Variants in SLIT2 observed in about 807,000 individuals in gnomAD.
SLIT2 encodes slit guidance ligand 2, also known as slit homolog 2 protein.
A neutral mutation model predicts 185.7 loss-of-function variants in SLIT2; 41 were observed. The observed-to-expected ratio is 0.22, with a 90% CI of 0.17 to 0.29. SLIT2 has a LOEUF of 0.29. SLIT2 is among the 10% of genes least tolerant of loss of function. SLIT2 has a pLI of 1.00. For missense variants in SLIT2, 1,571 were observed against 1,909.0 expected (o/e 0.82, Z 3.30); for synonymous variants, 693 against 680.2 (o/e 1.02, Z -0.29).
At chr4:20,543,074 C>CTT (rs573556407) in intron 21 of SLIT2, among the ~76,000 whole-genome samples, 1 of 148,734 alleles carries the variant, frequency 6.7e-6, no homozygotes, top group South Asian at 2.1e-4. Flanking sequence ...GTACAGGAAA[C>CTT]TTTTTTTTTT....
At chr4:20,327,944 C>T (rs960907566) in intron 4 of SLIT2, among the ~76,000 whole-genome samples, 8 of 152,100 alleles carry the variant, frequency 5.3e-5, no homozygotes, top group Non-Finnish European at 8.8e-5. Flanking sequence ...TGAACAATGC[C>T]AATGACTATA....
intron 9 of SLIT2, among the ~76,000 whole-genome samples, chr4:20,507,399 T>C (rs897274982): frequency 6.6e-6 from 1 of 151,918 alleles, no homozygotes. Context: ...CCAGGGAAAA[T>C]CTTCAGTTAT....
At chr4:20,401,829 G>A (rs887497872) in intron 4 of SLIT2, among the ~76,000 whole-genome samples, 37 of 151,898 alleles carry the variant, frequency 2.4e-4, no homozygotes, top group African/African-American at 8.5e-4. Context: ...TACAGGGAAA[G>A]CATTTACGCA....
intron 4 of SLIT2, among the ~76,000 whole-genome samples, chr4:20,297,210 G>T (rs1041301247): frequency 1.3e-5 from 2 of 152,008 alleles, no homozygotes; most frequent in African/African-American, 4.8e-5. Flanking sequence ...TAATAAAATT[G>T]GATGAATGCT....
intron 5 of SLIT2, among the ~76,000 whole-genome samples, chr4:20,472,597 T>TAG (rs1491574432): frequency 9.2e-5 from 2 of 21,844 alleles, no homozygotes; most frequent in African/African-American, 4.0e-4. Context: ...TAGATATATA[T>TAG]CTATAGATAT....
chr4:20,548,647 C>A, intron 23 of SLIT2, 88 bp downstream of exon 23: 1 of 778,688 alleles, frequency 1.3e-6, no homozygotes, highest in South Asian at 1.5e-5. Context: ...TTGAACAAGA[C>A]AGTCTCTACC....
At chr4:20,406,317 TA>T (rs1215690263) in intron 4 of SLIT2, among the ~76,000 whole-genome samples, 1 of 144,114 alleles carries the variant, frequency 6.9e-6, no homozygotes, top group African/African-American at 2.4e-5. Context: ...AACTCAACTT[TA>T]TTAAAGTTTA....
chr4:20,571,724 A>G (rs1725625316), intron 29 of SLIT2, among the ~76,000 whole-genome samples: 2 of 152,360 alleles, frequency 1.3e-5, no homozygotes, highest in Middle Eastern at 6.8e-3. Flanking sequence ...TAGTGTTGTC[A>G]GTGTTTAAAA....
At chr4:20,411,170 G>A (rs931788360) in intron 4 of SLIT2, among the ~76,000 whole-genome samples, 7 of 152,024 alleles carry the variant, frequency 4.6e-5, no homozygotes, top group African/African-American at 1.4e-4. Context: ...TATTCTTTTT[G>A]TGAAAAAGCC....
chr4:20,374,725 G>C (rs1723876420), intron 4 of SLIT2, among the ~76,000 whole-genome samples: 1 of 150,138 alleles, frequency 6.7e-6, no homozygotes, highest in Non-Finnish European at 1.5e-5. Context: ...TTATTTTCCT[G>C]TTTCTTCTGC....
intron 4 of SLIT2, among the ~76,000 whole-genome samples, chr4:20,427,252 T>G (rs1469697981): frequency 6.6e-6 from 1 of 152,218 alleles, no homozygotes; most frequent in Non-Finnish European, 1.5e-5. Flanking sequence ...TGCTACTTCC[T>G]TAGATGGTGC....
At chr4:20,371,446 G>A (rs1723566720) in intron 4 of SLIT2, among the ~76,000 whole-genome samples, 1 of 152,068 alleles carries the variant, frequency 6.6e-6, no homozygotes, top group East Asian at 1.9e-4. Flanking sequence ...ATTAAAACAT[G>A]TTCCTGTAAC....
intron 33 of SLIT2, among the ~76,000 whole-genome samples, chr4:20,603,405 A>G (rs2148968897): frequency 6.6e-6 from 1 of 152,338 alleles, no homozygotes; most frequent in Middle Eastern, 3.4e-3. Context: ...GGAAAAATGA[A>G]TGGCAGCCTA....
At chr4:20,365,057 C>A (rs1285837521) in intron 4 of SLIT2, among the ~76,000 whole-genome samples, 1 of 152,072 alleles carries the variant, frequency 6.6e-6, no homozygotes, top group African/African-American at 2.4e-5. Context: ...CTGCTTCATT[C>A]CCCCAGTTGC....
chr4:20,327,872 C>G (rs1719730353), intron 4 of SLIT2, among the ~76,000 whole-genome samples: 1 of 152,038 alleles, frequency 6.6e-6, no homozygotes, highest in African/African-American at 2.4e-5. Context: ...TGTTGGAAAT[C>G]TAAATGTTGT....
At chr4:20,560,461 C>T (rs1389203914) in intron 26 of SLIT2, among the ~76,000 whole-genome samples, 1 of 151,818 alleles carries the variant, frequency 6.6e-6, no homozygotes, top group Admixed American at 6.6e-5. Flanking sequence ...GATAGAGCAT[C>T]CCTGAGTGGG....
intron 4 of SLIT2, among the ~76,000 whole-genome samples, chr4:20,303,633 C>A (rs1014042815): frequency 6.6e-6 from 1 of 152,160 alleles, no homozygotes; most frequent in Non-Finnish European, 1.5e-5. Context: ...CCACGCTCCA[C>A]TGAATGGATA....
At chr4:20,463,420 T>A (rs1379953681) in intron 4 of SLIT2, among the ~76,000 whole-genome samples, 5 of 135,286 alleles carry the variant, frequency 3.7e-5, no homozygotes, top group Non-Finnish European at 7.8e-5. Flanking sequence ...TTACTTACCA[T>A]AAACTATCTT....
chr4:20,528,366 C>A lies in SLIT2; in HGVS notation c.1463-583C>A, dbSNP rs760416185. 1 of 534,286 alleles carries A rather than the reference C, an allele frequency of 1.9e-6. No homozygotes were observed. The highest frequency in any genetic ancestry group is 3.2e-4 in the Middle Eastern group (1 of 3,148). The allele number at this position is 534,286 out of a possible 1,614,324, so 33.1% of individuals were successfully genotyped here. The stretch of plus-strand genomic sequence containing the variant: ...CATGGTTCCGTCAAGCACCATGGAA[C>A]GTCACGCAGCTTTCTACAGCATGAC... On this transcript the variant is annotated intron_variant, in intron 15 of 36. Transcript: ENST00000504154. This position sits in a 1 kb window ranked among gnomAD's most constrained non-coding sequence, Gnocchi z 4.2.
Sources: gnomAD v4.1 joint callset for allele counts (sites outside exome capture counted in the v4.1 genomes callset) on GRCh38, gnomAD v4.1.1 for gene constraint, Gnocchi (gnomAD v3.1) non-coding constraint, MANE v1.5 for transcripts, NCBI Gene and HGNC (gene_info 2026-07-23, HGNC 2026-07-21) for gene names.